CLASP2: variants seen among roughly 807,000 people sequenced by gnomAD.
CLASP2 encodes the protein cytoplasmic linker associated protein 2, also known as CLIP-associating protein 2.
In CLASP2, 47 loss-of-function variants were observed where a neutral mutation model predicts 194.4. The ratio of observed to expected loss-of-function variants is 0.24; its 90% confidence interval spans 0.19 to 0.31. The LOEUF (loss-of-function observed/expected upper bound fraction) is 0.31, where lower values mean the gene tolerates loss of function less well. Ranked by LOEUF, CLASP2 falls within the 10% of genes least tolerant of loss-of-function variation. CLASP2 has a pLI of 1.00. For synonymous variants in CLASP2, 619 were observed against 633.5 expected, an observed-to-expected ratio of 0.98 and a Z score of 0.34; for missense variants, 1,445 against 1,823.6, an observed-to-expected ratio of 0.79 and a Z score of 3.78.
chr3:33,522,942 G>A (rs1178806778), intron 34 of CLASP2, among the ~76,000 whole-genome samples: 1 of 152,126 alleles, frequency 6.6e-6, no homozygotes, highest in Non-Finnish European at 1.5e-5. Flanking sequence ...CAGGTGTGGT[G>A]GTGGGCGCTT....
At chr3:33,651,781 T>A (rs2083269944) in intron 7 of CLASP2, among the ~76,000 whole-genome samples, 1 of 151,170 alleles carries the variant, frequency 6.6e-6, no homozygotes, top group South Asian at 2.1e-4. Context: ...TGCTTCAGCC[T>A]CCTAAGTAGC....
At chr3:33,618,934 A>G (rs1449227231) in intron 12 of CLASP2, among the ~76,000 whole-genome samples, 1 of 152,158 alleles carries the variant, frequency 6.6e-6, no homozygotes, top group Non-Finnish European at 1.5e-5. Flanking sequence ...CCGTTAGGTG[A>G]TTTCATCATA....
chr3:33,706,399 G>T (rs1283241361), intron 1 of CLASP2, among the ~76,000 whole-genome samples: 1 of 152,148 alleles, frequency 6.6e-6, no homozygotes, highest in African/African-American at 2.4e-5. Context: ...TAAAATAAAT[G>T]AATCTAAATT....
chr3:33,600,817 T>C (rs940097696), intron 18 of CLASP2, among the ~76,000 whole-genome samples: 2 of 152,144 alleles, frequency 1.3e-5, no homozygotes, highest in African/African-American at 4.8e-5. Context: ...GCTAATAACG[T>C]TATTAAAAAC....
rs1171042379 is a variant in CLASP2, at chr3:33,517,139, A to G, written c.3823T>C (p.Leu1275=). 3 of 1,613,112 alleles carry G rather than the reference A, an allele frequency of 1.9e-6. No homozygotes were observed. The South Asian group carries it at 3.3e-5, about 18-fold the overall frequency. Reference sequence around the variant, plus strand: ...TTATGGTTAGACAGCTCCTTCAACAACTCTGCAACTAGGTCAGAATGATCT... The same window carrying G: ...TTATGGTTAGACAGCTCCTTCAACAGCTCTGCAACTAGGTCAGAATGATCT... ...SLDHSDLVAE[L]LKELSNHNER... is the part of the protein sequence containing the mutation. Residue 1275 remains leucine, a synonymous_variant, in exon 35 of 39, where the codon TTG becomes CTG. Transcript: ENST00000682230.
Position 33,705,903 on chromosome 3 carries a change from T to TA in CLASP2, c.196-8971dup, listed in dbSNP as rs2092655782. 1.3e-5 allele frequency among the ~76,000 whole-genome samples: 2 copies of TA among 152,098 alleles called. 1 individual carries two copies. The highest frequency in any genetic ancestry group is 4.1e-4 in the South Asian group (2 of 4,824). On this transcript the variant is annotated intron_variant, in intron 1 of 38. Coordinates refer to ENST00000682230, the MANE Select transcript of CLASP2 (RefSeq NM_001365631.1). ...GTGAAAAAAGCAAAGTTGGGAAAAG[T>TA]ATGTATATCAAAAAAAGGGGAATTA...
intron 34 of CLASP2, among the ~76,000 whole-genome samples, chr3:33,534,253 A>G (rs2056907822): frequency 6.6e-6 from 1 of 152,086 alleles, no homozygotes; most frequent in African/African-American, 2.4e-5. Flanking sequence ...AAGAAAAAAT[A>G]TGTTTCCTTA....
chr3:33,630,016 G>A (rs2078780954), intron 9 of CLASP2, among the ~76,000 whole-genome samples: 1 of 152,056 alleles, frequency 6.6e-6, no homozygotes. Context: ...AAAAAAGCAA[G>A]GAGATCCTAG....
At chr3:33,671,797 AC>A (rs1241439586) in intron 6 of CLASP2, among the ~76,000 whole-genome samples, 1 of 152,188 alleles carries the variant, frequency 6.6e-6, no homozygotes, top group Non-Finnish European at 1.5e-5. Context: ...TATATCCTGC[AC>A]CTGGCTCGGA....
At chr3:33,514,232 C>A (rs986934327) in intron 36 of CLASP2, among the ~76,000 whole-genome samples, 1 of 152,140 alleles carries the variant, frequency 6.6e-6, no homozygotes, top group Non-Finnish European at 1.5e-5. Context: ...AAGTGATCCA[C>A]CTGCTTGGCC....
chr3:33,501,028 G>C (rs2046733931), intron 38 of CLASP2, among the ~76,000 whole-genome samples: 1 of 152,158 alleles, frequency 6.6e-6, no homozygotes, highest in African/African-American at 2.4e-5. Context: ...TTACGGGTAT[G>C]AACCACTTTG....
rs1235502924 is a variant in CLASP2 at position 33,619,750 on chromosome 3, G to A, written c.1182-12C>T. The stretch of plus-strand genomic sequence containing the variant: ...CTGTTGAAAGGTGGCTACAAAGGAA[G>A]ACAAAAAGTATTTTTTAATAGTTTA... On this transcript the variant is annotated splice_polypyrimidine_tract_variant and intron_variant, in intron 11 of 38. Coordinates refer to ENST00000682230, the MANE Select transcript of CLASP2 (RefSeq NM_001365631.1). 2 of 1,562,010 alleles carry A rather than the reference G, an allele frequency of 1.3e-6. No individual in the cohort carries two copies. The highest frequency in any genetic ancestry group is 1.4e-5 in the African/African-American group (1 of 72,674).
chr3:33,608,495 C>T (rs1446108278), intron 14 of CLASP2, 72 bp downstream of exon 14: 1 of 1,182,202 alleles, frequency 8.5e-7, no homozygotes, highest in Non-Finnish European at 1.2e-6. Flanking sequence ...AATGTAAAAC[C>T]AATACCATCA....
intron 1 of CLASP2, among the ~76,000 whole-genome samples, chr3:33,713,683 T>A (rs1319049197): frequency 1.3e-5 from 2 of 151,986 alleles, no homozygotes; most frequent in African/African-American, 2.4e-5. Context: ...GTTTTCACTT[T>A]TTTTTTTTTC....
chr3:33,689,645 C>A, intron 3 of CLASP2, 184 bp downstream of exon 3: 2 of 434,302 alleles, frequency 4.6e-6, no homozygotes, highest in Non-Finnish European at 8.1e-6. Flanking sequence ...ATTAAGAGTA[C>A]AAAATAAGAA....
chr3:33,530,118 C>T (rs2055891695), intron 34 of CLASP2, among the ~76,000 whole-genome samples: 1 of 144,418 alleles, frequency 6.9e-6, no homozygotes, highest in Non-Finnish European at 1.5e-5. Flanking sequence ...TTACAATTAA[C>T]TTAAAAAAAA....
intron 22 of CLASP2, among the ~76,000 whole-genome samples, chr3:33,583,664 A>G (rs560721883): frequency 6.6e-6 from 1 of 152,354 alleles, no homozygotes; most frequent in East Asian, 1.9e-4. Flanking sequence ...AGGAAAAAGT[A>G]TGGAAGTTGA....
At chr3:33,624,423 T>C (rs2077637226) in intron 10 of CLASP2, among the ~76,000 whole-genome samples, 1 of 151,944 alleles carries the variant, frequency 6.6e-6, no homozygotes, top group Non-Finnish European at 1.5e-5. Flanking sequence ...AAAATCACAA[T>C]ATGGTAGGAT....
At position 33,684,409 on chromosome 3, in the gene CLASP2, C is replaced by G; in HGVS notation, c.594G>C (p.Val198=). ...ILAIVEIYRH[V]GEKVRMDLYK... ...AAAGATCCATCCTCACTTTTTCTCC[C>G]ACATGTCTATAAATCTCCACTATAG... Residue 198 remains valine (V), a synonymous_variant, in exon 6 of 39, where the codon GTG becomes GTC. Transcript: ENST00000682230. 1 of 1,605,304 alleles carries G rather than the reference C, an allele frequency of 6.2e-7. No individual in the cohort carries two copies. The highest frequency in any genetic ancestry group is 8.5e-7 in the Non-Finnish European group (1 of 1,175,600).
Sources: gnomAD v4.1 joint callset for allele counts (sites outside exome capture counted in the v4.1 genomes callset) on GRCh38, gnomAD v4.1.1 for gene constraint, MANE v1.5 for transcripts, NCBI Gene and HGNC (gene_info 2026-07-23, HGNC 2026-07-21) for gene names.